SOX5: variants seen among roughly 807,000 people sequenced by gnomAD.
SOX5 encodes the protein SRY-box transcription factor 5.
In SOX5, 9 loss-of-function variants were observed where a neutral mutation model predicts 92.0. That is an observed-to-expected ratio of 0.10 (90% CI 0.06 to 0.17). The LOEUF (loss-of-function observed/expected upper bound fraction) is 0.17, where lower values mean the gene tolerates loss of function less well. SOX5 is among the 10% of genes least tolerant of loss of function. The pLI is 1.00. For missense variants in SOX5, 642 were observed against 944.5 expected (o/e 0.68, Z 4.20); for synonymous variants, 344 against 336.3 (o/e 1.02, Z -0.25).
At chr12:23,767,822 CATATATAT>C (rs5797038) in intron 3 of SOX5, among the ~76,000 whole-genome samples, 34 of 150,408 alleles carry the variant, frequency 2.3e-4, no homozygotes, top group African/African-American at 6.3e-4. Flanking sequence ...TATCTTCACT[CATATATAT>C]ATATATATAT....
chr12:24,155,588 ACTT>A (rs1952085805), intron 4 of SOX5, among the ~76,000 whole-genome samples: 1 of 152,020 alleles, frequency 6.6e-6, no homozygotes, highest in Non-Finnish European at 1.5e-5. Context: ...CTGCAGAAAA[ACTT>A]CTTTCCTTGA....
intron 3 of SOX5, among the ~76,000 whole-genome samples, chr12:23,826,036 T>A (rs201537162): frequency 1.1e-4 from 16 of 151,292 alleles, no homozygotes; most frequent in Non-Finnish European, 1.6e-4. Context: ...TCTTTTTTTT[T>A]ATTATACTCT....
At chr12:23,833,503 A>C (rs2096364792) in intron 3 of SOX5, among the ~76,000 whole-genome samples, 1 of 152,008 alleles carries the variant, frequency 6.6e-6, no homozygotes, top group African/African-American at 2.4e-5. Flanking sequence ...AATTGAAGAG[A>C]ATTATTATCT....
At chr12:24,171,646 G>A (rs1400571700) in intron 4 of SOX5, among the ~76,000 whole-genome samples, 1 of 152,132 alleles carries the variant, frequency 6.6e-6, no homozygotes, top group Non-Finnish European at 1.5e-5. Flanking sequence ...CTAATGCAAT[G>A]ATAACACTGA....
chr12:23,935,273 C>T (rs1942289794), intron 1 of SOX5, among the ~76,000 whole-genome samples: 1 of 151,200 alleles, frequency 6.6e-6, no homozygotes, highest in South Asian at 2.1e-4. Flanking sequence ...TTCATCATGG[C>T]TACAAATTAA....
At chr12:23,890,679 C>G (rs919628071) in intron 2 of SOX5, among the ~76,000 whole-genome samples, 2 of 152,064 alleles carry the variant, frequency 1.3e-5, no homozygotes, top group Non-Finnish European at 2.9e-5. Flanking sequence ...GACATGAGGA[C>G]GCATTCTGGA....
chr12:23,540,510 ATTCCT>A (rs1413929914), intron 13 of SOX5, among the ~76,000 whole-genome samples: 1 of 152,150 alleles, frequency 6.6e-6, no homozygotes, highest in Non-Finnish European at 1.5e-5. Flanking sequence ...TCCAACGATT[ATTCCT>A]TTCCTTTCTA....
Position 23,736,962 on chromosome 12 carries a change from G to C in SOX5, c.742-2210C>G, listed in dbSNP as rs2093623349. ...CTTGCCTCAGCCTCCTAAAGTGCTG[G>C]GATTACAGGCGTGAGCCACAGTGCC... On this transcript the variant is annotated intron_variant, in intron 5 of 14. Transcript: ENST00000451604. 2.0e-5 allele frequency among the ~76,000 whole-genome samples: 3 copies of C among 151,404 alleles called. No homozygotes were observed. The South Asian group carries it at 6.3e-4, about 32-fold the overall frequency.
At chr12:23,871,595 AT>A (rs2096872664) in intron 2 of SOX5, among the ~76,000 whole-genome samples, 3 of 152,126 alleles carry the variant, frequency 2.0e-5, no homozygotes, top group Admixed American at 2.0e-4. Context: ...GGGTTACATC[AT>A]TACTTTCTTT....
At chr12:23,960,695 T>C (rs1591820387) in intron 4 of SOX5, among the ~76,000 whole-genome samples, 1 of 151,282 alleles carries the variant, frequency 6.6e-6, no homozygotes, top group South Asian at 2.1e-4. Flanking sequence ...AATATATAAA[T>C]TGATATATAT....
chr12:23,949,185 C>A (rs1282036275), intron 1 of SOX5, among the ~76,000 whole-genome samples: 1 of 152,016 alleles, frequency 6.6e-6, no homozygotes, highest in Non-Finnish European at 1.5e-5. Context: ...GACAGAGATG[C>A]TGAAAATGGT....
chr12:24,438,711 G>A (rs1334372318), intron 1 of SOX5, among the ~76,000 whole-genome samples: 2 of 152,218 alleles, frequency 1.3e-5, no homozygotes, highest in Non-Finnish European at 2.9e-5. Flanking sequence ...GAAATAGCAA[G>A]AGAACTAGAA....
intron 2 of SOX5, among the ~76,000 whole-genome samples, chr12:23,879,957 G>A (rs111608268): frequency 0.018 from 2,723 of 152,222 alleles, 83 homozygotes; most frequent in African/African-American, 0.062. Context: ...AGTCTCCAAG[G>A]CAAGCTAGGT....
At chr12:24,454,410 T>G (rs11047455) in intron 1 of SOX5, among the ~76,000 whole-genome samples, 2 of 152,036 alleles carry the variant, frequency 1.3e-5, no homozygotes, top group East Asian at 1.9e-4. Flanking sequence ...AATTTTCTAC[T>G]TGCTTCTTTC....
At chr12:23,583,710 C>A (rs1172480610) in intron 9 of SOX5, among the ~76,000 whole-genome samples, 1 of 152,064 alleles carries the variant, frequency 6.6e-6, no homozygotes, top group Non-Finnish European at 1.5e-5. Context: ...CTCTTTTTAA[C>A]CTCTAAATGT....
chr12:23,861,525 ATTCC>A (rs1398258202), intron 2 of SOX5, among the ~76,000 whole-genome samples: 13 of 152,276 alleles, frequency 8.5e-5, no homozygotes, highest in African/African-American at 2.4e-4. Flanking sequence ...TTCTACTGGA[ATTCC>A]TGTTTTCTGA....
intron 4 of SOX5, among the ~76,000 whole-genome samples, chr12:24,151,864 A>T (rs540630907): frequency 1.2e-3 from 182 of 152,144 alleles, no homozygotes; most frequent in African/African-American, 4.2e-3. Context: ...AAGAAGTAAA[A>T]AAATAAATAA....
At chr12:23,577,191 A>ATATATATTTT (rs71059907) in intron 9 of SOX5, among the ~76,000 whole-genome samples, 31 of 61,402 alleles carry the variant, frequency 5.0e-4, no homozygotes, top group Non-Finnish European at 8.0e-4. Flanking sequence ...ATATATATAT[A>ATATATATTTT]TTTTTTTTTT....
chr12:23,768,618 A>G (rs1458702530), intron 3 of SOX5, among the ~76,000 whole-genome samples: 2 of 152,228 alleles, frequency 1.3e-5, no homozygotes, highest in Non-Finnish European at 2.9e-5. Flanking sequence ...TCCAATAATA[A>G]GAGTTGAGAT....
Sources: gnomAD v4.1 joint callset for allele counts (sites outside exome capture counted in the v4.1 genomes callset) on GRCh38, gnomAD v4.1.1 for gene constraint, MANE v1.5 for transcripts, NCBI Gene and HGNC (gene_info 2026-07-23, HGNC 2026-07-21) for gene names.